The following DENND1B variants were observed in gnomAD, a reference collection of about 807,000 sequenced individuals.
DENND1B encodes DENN domain-containing protein 1B.
In DENND1B, 59 loss-of-function variants were observed where a neutral mutation model predicts 90.1. The ratio of observed to expected loss-of-function variants is 0.65; its 90% CI spans 0.53 to 0.81. DENND1B has a LOEUF of 0.81. DENND1B is among the 40% of genes least tolerant of loss of function. The pLI is 0.00. For synonymous variants in DENND1B, 337 were observed against 324.6 expected, an observed-to-expected ratio of 1.04 and a Z score of -0.41; for missense variants, 862 against 912.6, an observed-to-expected ratio of 0.94 and a Z score of 0.71.
chr1:197,717,910 T>C (rs1196581174), intron 2 of DENND1B, among the ~76,000 whole-genome samples: 1 of 152,048 alleles, frequency 6.6e-6, no homozygotes, highest in Non-Finnish European at 1.5e-5. Flanking sequence ...AAATGTACAG[T>C]ATCTTCAAAT....
At position 197,616,734 on chromosome 1, in the gene DENND1B, T is replaced by G. The variant is rs1346007012; in HGVS notation, c.773+925A>C. 7.3e-5 allele frequency among the ~76,000 whole-genome samples: 11 copies of G among 151,142 alleles called. 1 individual carries two copies. Among genetic ancestry groups the G allele is most frequent in the South Asian group, 4.1e-4 (2 of 4,832 alleles). On this transcript the variant is annotated intron_variant, in intron 11 of 22. Coordinates refer to ENST00000620048, the MANE Select transcript of DENND1B (RefSeq NM_001195215.2). ...TTATGAAATAAGAAAGTTAAATGAG[T>G]GCATTGATTCTAAAAGTGCTGTGTT...
intron 3 of DENND1B, among the ~76,000 whole-genome samples, chr1:197,701,154 C>A (rs1658985742): frequency 6.6e-6 from 1 of 152,132 alleles, no homozygotes; most frequent in East Asian, 1.9e-4. Context: ...GCACTATTTA[C>A]AATAGCAAAG....
intron 3 of DENND1B, among the ~76,000 whole-genome samples, chr1:197,676,207 C>T (rs902809763): frequency 6.6e-6 from 1 of 152,036 alleles, no homozygotes; most frequent in Non-Finnish European, 1.5e-5. Flanking sequence ...CTACCTAGCT[C>T]CCAGGGCTTG....
At chr1:197,647,768 G>A (rs1191068139) in intron 7 of DENND1B, among the ~76,000 whole-genome samples, 1 of 151,976 alleles carries the variant, frequency 6.6e-6, no homozygotes, top group Non-Finnish European at 1.5e-5. Context: ...GACCAGCATG[G>A]TGAAACCCCA....
chr1:197,704,941 C>T (rs1659382394), intron 3 of DENND1B, among the ~76,000 whole-genome samples: 4 of 152,086 alleles, frequency 2.6e-5, no homozygotes, highest in Admixed American at 2.0e-4. Flanking sequence ...GCACTGTGAC[C>T]TCAGGTAAGT....
At chr1:197,718,511 A>G (rs1284294226) in intron 2 of DENND1B, among the ~76,000 whole-genome samples, 1 of 152,084 alleles carries the variant, frequency 6.6e-6, no homozygotes, top group Non-Finnish European at 1.5e-5. Flanking sequence ...ATAATGGTGA[A>G]CTAAACAAAA....
intron 6 of DENND1B, among the ~76,000 whole-genome samples, chr1:197,653,422 A>G (rs957555807): frequency 1.3e-5 from 2 of 152,116 alleles, no homozygotes; most frequent in Admixed American, 1.3e-4. Context: ...CTGTTTATAC[A>G]AAGTTCTTAT....
chr1:197,512,008 C>T (rs1374760786), intron 21 of DENND1B, 64 bp from the exon 22 acceptor site: 5 of 1,228,624 alleles, frequency 4.1e-6, no homozygotes, highest in Non-Finnish European at 4.6e-6. Context: ...TAAGTAATCT[C>T]TCACCAGTTA....
intron 20 of DENND1B, among the ~76,000 whole-genome samples, chr1:197,537,797 A>T (rs573415952): frequency 2.5e-4 from 38 of 151,714 alleles, no homozygotes; most frequent in Non-Finnish European, 4.1e-4. Context: ...AGACTTTAAA[A>T]TTTTTTTTTA....
At position 197,677,425 on chromosome 1, in the gene DENND1B, T is replaced by C. The variant is rs1656202981; in HGVS notation, c.127-3256A>G. Among the ~76,000 whole-genome samples, 5 of 152,136 alleles carry C rather than the reference T, an allele frequency of 3.3e-5. 1 individual carries two copies. Among genetic ancestry groups the C allele is most frequent in the Non-Finnish European group, 5.9e-5 (4 of 68,028 alleles). On this transcript the variant is annotated intron_variant, in intron 3 of 22. Coordinates refer to ENST00000620048, the MANE Select transcript of DENND1B (RefSeq NM_001195215.2). ...AAGTTGTTCTTTTACTTACGGTCCTTATCACCTAAACTGGCAGCACCATCT... is the reference window on the plus strand; with the variant it reads ...AAGTTGTTCTTTTACTTACGGTCCTCATCACCTAAACTGGCAGCACCATCT...
At chr1:197,577,196 A>C (rs1375886934) in intron 15 of DENND1B, among the ~76,000 whole-genome samples, 10 of 152,218 alleles carry the variant, frequency 6.6e-5, no homozygotes, top group Non-Finnish European at 1.5e-5. Flanking sequence ...AAATTCTATA[A>C]CTCAGACATG....
At chr1:197,581,567 G>T (rs1047020619) in intron 15 of DENND1B, among the ~76,000 whole-genome samples, 2 of 152,068 alleles carry the variant, frequency 1.3e-5, no homozygotes, top group Non-Finnish European at 1.5e-5. Flanking sequence ...GAGGTAGGTG[G>T]TAATATTTCT....
At chr1:197,758,815 A>C (rs763802943) in intron 2 of DENND1B, among the ~76,000 whole-genome samples, 15 of 152,152 alleles carry the variant, frequency 9.9e-5, no homozygotes, top group Non-Finnish European at 2.1e-4. Context: ...TTAAAGCATA[A>C]GTATTAGTTT....
chr1:197,657,895 T>C (rs1208205192), intron 6 of DENND1B, among the ~76,000 whole-genome samples: 1 of 152,132 alleles, frequency 6.6e-6, no homozygotes, highest in African/African-American at 2.4e-5. Context: ...AACTGGGGTG[T>C]ATTGATATTC....
intron 2 of DENND1B, chr1:197,757,512 T>G (rs1236349208): frequency 1.3e-5 from 2 of 152,204 alleles, no homozygotes; most frequent in Non-Finnish European, 2.9e-5. Flanking sequence ...ACAAATATTG[T>G]CATTTTCTAT....
intron 3 of DENND1B, among the ~76,000 whole-genome samples, chr1:197,707,837 G>A (rs950208555): frequency 6.8e-6 from 1 of 147,632 alleles, no homozygotes; most frequent in Non-Finnish European, 1.5e-5. Context: ...TCACTAGGGA[G>A]TGCCAGACAG....
chr1:197,757,218 CAAAG>C (rs1654425351), intron 2 of DENND1B: 1 of 152,030 alleles, frequency 6.6e-6, no homozygotes, highest in African/African-American at 2.4e-5. Context: ...CATTTTAAGA[CAAAG>C]AAACAGGCTC....
chr1:197,643,359 G>A (rs1003706287), intron 9 of DENND1B, among the ~76,000 whole-genome samples: 10 of 152,010 alleles, frequency 6.6e-5, no homozygotes, highest in African/African-American at 2.4e-4. Flanking sequence ...GTTTCACCAT[G>A]TTGGCCGGGT....
chr1:197,697,044 A>C (rs906626926), intron 3 of DENND1B, among the ~76,000 whole-genome samples: 6 of 151,142 alleles, frequency 4.0e-5, no homozygotes, highest in Non-Finnish European at 7.4e-5. Flanking sequence ...GGACCACACA[A>C]AAGAAGAAAC....
Sources: gnomAD v4.1 joint callset for allele counts (sites outside exome capture counted in the v4.1 genomes callset) on GRCh38, gnomAD v4.1.1 for gene constraint, MANE v1.5 for transcripts, NCBI Gene and HGNC (gene_info 2026-07-23, HGNC 2026-07-21) for gene names.